FAM222A: variants seen among roughly 807,000 people sequenced by gnomAD.
The protein encoded by FAM222A is family with sequence similarity 222 member A.
FAM222A carries 7 observed loss-of-function variants against 25.8 expected under a neutral mutation model. The observed-to-expected ratio is 0.27, with a 90% CI of 0.15 to 0.51. The LOEUF (loss-of-function observed/expected upper bound fraction) is 0.51, where lower values mean the gene tolerates loss of function less well. Ranked by LOEUF, FAM222A falls within the 20% of genes least tolerant of loss-of-function variation. The probability of loss-of-function intolerance (pLI) is 0.97; values close to 1 mark genes in which losing one functional copy is unlikely to be tolerated. For missense variants in FAM222A, 573 were observed against 640.5 expected (o/e 0.89, Z 1.14); for synonymous variants, 294 against 298.8 (o/e 0.98, Z 0.17).
At chr12:109,729,741 C>T (rs78451466) in intron 1 of FAM222A, among the ~76,000 whole-genome samples, 3,638 of 152,358 alleles carry the variant, frequency 0.024, 80 homozygotes, top group South Asian at 0.074. Flanking sequence ...GACCAAAATA[C>T]GGGAACAGGC....
chr12:109,753,170 G>A (rs1463817720), intron 2 of FAM222A, among the ~76,000 whole-genome samples: 1 of 152,342 alleles, frequency 6.6e-6, no homozygotes, highest in African/African-American at 2.4e-5. Flanking sequence ...GCGAGGTGGG[G>A]TTACTCAGGG....
chr12:109,752,088 CT>C (rs1342781298), intron 2 of FAM222A, among the ~76,000 whole-genome samples: 1 of 152,198 alleles, frequency 6.6e-6, no homozygotes, highest in Admixed American at 6.5e-5. Context: ...GGGTCTGTGC[CT>C]TTTAACCTTT....
At chr12:109,744,729 C>T (rs1262620282) in intron 2 of FAM222A, 30 of 985,264 alleles carry the variant, frequency 3.0e-5, no homozygotes, top group Middle Eastern at 5.2e-4. Flanking sequence ...GGATCTGAAA[C>T]GCTCTGATTT....
intron 1 of FAM222A, among the ~76,000 whole-genome samples, chr12:109,743,691 C>A (rs1035295289): frequency 9.3e-5 from 14 of 151,300 alleles, no homozygotes; most frequent in African/African-American, 3.4e-4. Flanking sequence ...TGTAGATGCC[C>A]AAGATGACCA....
At chr12:109,721,262 G>T (rs1887739690) in intron 1 of FAM222A, among the ~76,000 whole-genome samples, 1 of 152,202 alleles carries the variant, frequency 6.6e-6, no homozygotes, top group Non-Finnish European at 1.5e-5. Flanking sequence ...AGGGTACTGG[G>T]CATGGTAGGA....
chr12:109,762,948 C>T (rs1001087535), intron 2 of FAM222A, among the ~76,000 whole-genome samples: 1 of 152,238 alleles, frequency 6.6e-6, no homozygotes, highest in African/African-American at 2.4e-5. Flanking sequence ...CACTGAGCAG[C>T]TCCCCCAAGC....
chr12:109,716,495 CTT>C (rs1887648186), intron 1 of FAM222A, among the ~76,000 whole-genome samples: 1 of 152,184 alleles, frequency 6.6e-6, no homozygotes. Context: ...GGTGGAGCTG[CTT>C]TTGGGGGCTT....
chr12:109,724,331 CAT>C (rs79750421), intron 1 of FAM222A, among the ~76,000 whole-genome samples: 3,846 of 152,314 alleles, frequency 0.025, 127 homozygotes, highest in African/African-American at 0.07. Flanking sequence ...TTCATGGAAA[CAT>C]GTGAAAGAGC....
intron 2 of FAM222A, among the ~76,000 whole-genome samples, chr12:109,765,458 C>T (rs1448597563): frequency 6.6e-6 from 1 of 152,206 alleles, no homozygotes; most frequent in Non-Finnish European, 1.5e-5. Flanking sequence ...CCTCTCTCCT[C>T]CCGAGTCATT....
chr12:109,758,987 C>A (rs866187075), intron 2 of FAM222A, among the ~76,000 whole-genome samples: 1 of 152,250 alleles, frequency 6.6e-6, no homozygotes, highest in Admixed American at 6.5e-5. Flanking sequence ...CTTTCACTCT[C>A]CCCTCTCCTA....
Position 109,768,841 on chromosome 12 carries a change from T to G in FAM222A, c.912T>G (p.Ser304Arg). 1 of 1,580,720 alleles carries G rather than the reference T, an allele frequency of 6.3e-7. No homozygotes were observed. Among genetic ancestry groups the G allele is most frequent in the Admixed American group, 1.7e-5 (1 of 57,222 alleles). ...CGCCCCAGCCACTGCGTGCCTACAG[T>G]GGGAGCACGGTGGCCAGCAAGTCCC... The part of the protein sequence containing the change: ...PPPPQPLRAY[S>R]GSTVASKSPE... Residue 304 changes from serine (S) to arginine (R), a missense_variant, in exon 3 of 3, where the codon AGT (serine) becomes AGG (arginine). Physicochemically the swap from Ser to Arg is moderately radical, Grantham distance 110. Transcript: ENST00000538780.
intron 1 of FAM222A, among the ~76,000 whole-genome samples, chr12:109,731,754 G>T (rs189048130): frequency 6.6e-6 from 1 of 152,146 alleles, no homozygotes; most frequent in East Asian, 1.9e-4. Context: ...TCTGGGGCCC[G>T]TGTGTTCTGG....
chr12:109,759,134 C>T (rs910105218), intron 2 of FAM222A, among the ~76,000 whole-genome samples: 6 of 152,180 alleles, frequency 3.9e-5, no homozygotes, highest in Admixed American at 3.9e-4. Flanking sequence ...GCTCTAGTGC[C>T]AGCAGAACCC....
chr12:109,735,230 G>T (rs78458681), intron 1 of FAM222A, among the ~76,000 whole-genome samples: 3,513 of 152,296 alleles, frequency 0.023, 58 homozygotes, highest in Non-Finnish European at 0.035. Context: ...GTCCCTTGGG[G>T]CCTGAATCCT....
chr12:109,745,626 T>C (rs921657911), intron 2 of FAM222A, among the ~76,000 whole-genome samples: 5 of 152,224 alleles, frequency 3.3e-5, no homozygotes, highest in African/African-American at 9.6e-5. Flanking sequence ...TTTTAGGTTT[T>C]GCTCACCTGG....
intron 1 of FAM222A, among the ~76,000 whole-genome samples, chr12:109,739,127 C>A (rs1428036861): frequency 6.6e-6 from 1 of 152,242 alleles, no homozygotes; most frequent in Non-Finnish European, 1.5e-5. Flanking sequence ...GAGATGGGGG[C>A]TCAGAGGCGC....
intron 1 of FAM222A, among the ~76,000 whole-genome samples, chr12:109,731,761 C>G (rs1887953675): frequency 6.6e-6 from 1 of 152,130 alleles, no homozygotes; most frequent in African/African-American, 2.4e-5. Flanking sequence ...CCCGTGTGTT[C>G]TGGGTGTGTG....
intron 1 of FAM222A, among the ~76,000 whole-genome samples, chr12:109,737,509 G>A (rs533684993): frequency 1.3e-5 from 2 of 151,910 alleles, no homozygotes; most frequent in Admixed American, 1.3e-4. Context: ...CTGGGGTGGG[G>A]ACAGATACAG....
chr12:109,750,543 T>C (rs1364237873), intron 2 of FAM222A, among the ~76,000 whole-genome samples: 1 of 152,186 alleles, frequency 6.6e-6, no homozygotes, highest in African/African-American at 2.4e-5. Flanking sequence ...TTATTAGCGA[T>C]GCTATTAGTG....
Sources: allele counts gnomAD v4.1 joint callset (sites outside exome capture counted in the v4.1 genomes callset), GRCh38; gene constraint gnomAD v4.1.1; transcripts MANE v1.5; gene names NCBI Gene and HGNC (gene_info 2026-07-23, HGNC 2026-07-21).